Variants in NIPBL observed in about 807,000 individuals in gnomAD.
NIPBL encodes the protein NIPBL cohesin loading factor, also known as nipped-B-like protein.
Under a neutral mutation model 321.8 loss-of-function variants are expected in NIPBL, and 19 were observed. That is an observed-to-expected ratio of 0.06 (90% confidence interval 0.04 to 0.09). NIPBL has a LOEUF of 0.09. Ranked by LOEUF, NIPBL falls within the 10% of genes least tolerant of loss-of-function variation. The pLI is 1.00. For synonymous variants in NIPBL, 1,106 were observed against 1,114.1 expected (o/e 0.99, Z 0.14); for missense variants, 2,210 against 3,327.0 (o/e 0.66, Z 8.26).
chr5:37,022,448 G>A (rs192476717), intron 29 of NIPBL, 58 bp downstream of exon 29: 16 of 1,487,268 alleles, frequency 1.1e-5, no homozygotes, highest in Admixed American at 5.9e-5. Context: ...CAAGCATCAT[G>A]TTTTGTTTTA....
intron 1 of NIPBL, among the ~76,000 whole-genome samples, chr5:36,942,219 G>C (rs964636812): frequency 6.6e-6 from 1 of 151,770 alleles, no homozygotes; most frequent in African/African-American, 2.4e-5. Flanking sequence ...GATCACCTCA[G>C]GTCAGGAGTT....
rs1049546094 is a variant in NIPBL at position 37,060,314 on chromosome 5, A to G, written c.7686-530A>G. 3.9e-5 allele frequency among the ~76,000 whole-genome samples: 6 copies of G among 152,258 alleles called. No individual in the cohort carries two copies. In the East Asian group the frequency reaches 1.2e-3, roughly 29 times the overall value. ...GCTGGGAGTACAGATGCATGCCACC[A>G]CACCCAGCTAATTTTTTTTATTTTT... On this transcript the variant is annotated intron_variant, in intron 44 of 46. Transcript: ENST00000282516.
chr5:37,062,558 G>C (rs551228976), intron 45 of NIPBL, among the ~76,000 whole-genome samples: 29 of 151,620 alleles, frequency 1.9e-4, no homozygotes, highest in Admixed American at 5.9e-4. Context: ...AAAAAAAAAA[G>C]AAACAGCTCT....
chr5:37,046,472 C>T (rs1752991214), intron 38 of NIPBL, among the ~76,000 whole-genome samples: 1 of 152,178 alleles, frequency 6.6e-6, no homozygotes, highest in Non-Finnish European at 1.5e-5. Flanking sequence ...ACCCCTCCTC[C>T]ATAGGGTATC....
At chr5:37,026,192 T>G in intron 30 of NIPBL, 37 bp from the exon 31 acceptor site, 1 of 1,222,568 alleles carries the variant, frequency 8.2e-7, no homozygotes, top group African/African-American at 1.5e-5. Flanking sequence ...GCCGTATTTG[T>G]TATAATTAGT....
At chr5:36,941,609 T>C (rs1203653957) in intron 1 of NIPBL, among the ~76,000 whole-genome samples, 25 of 152,038 alleles carry the variant, frequency 1.6e-4, no homozygotes, top group Admixed American at 6.5e-5. Context: ...AATCATTATC[T>C]GAGAAATTAT....
At chr5:36,990,363 T>G (rs1262487551) in intron 10 of NIPBL, among the ~76,000 whole-genome samples, 4 of 152,186 alleles carry the variant, frequency 2.6e-5, no homozygotes, top group Non-Finnish European at 5.9e-5. Flanking sequence ...GTGTTTAGGA[T>G]CCTCAGCTTC....
chr5:36,962,507 A>G (rs956860904), intron 6 of NIPBL, among the ~76,000 whole-genome samples: 11 of 152,186 alleles, frequency 7.2e-5, no homozygotes, highest in Non-Finnish European at 1.5e-4. Flanking sequence ...TTTTGGATTC[A>G]GTTATTATAT....
chr5:36,984,739 G>T lies in NIPBL; in HGVS notation c.1559G>T (p.Gly520Val), dbSNP rs1461840957. ...CAGGAGGCTGGGGGTGCTACAGGAG[G>T]TAATAGACCAGCTTCTCAGGAGACG... ...YPQEAGGATG[G>V]NRPASQETGS... Residue 520 changes from glycine to valine, a missense_variant, in exon 10 of 47, where the codon GGT becomes GTT. Around this residue, in one of 14 missense-constraint regions of NIPBL, gnomAD observed 588 missense variants for 564.1 expected, o/e 1.04. Coordinates refer to ENST00000282516, the MANE Select transcript of NIPBL (RefSeq NM_133433.4). 1 of 1,613,676 alleles carries T rather than the reference G, an allele frequency of 6.2e-7. No individual in the cohort carries two copies. The highest frequency in any genetic ancestry group is 1.7e-5 in the Admixed American group (1 of 59,970).
At position 36,992,932 on chromosome 5, in the gene NIPBL, G is replaced by A. The variant is rs956719757; in HGVS notation, c.3122-2690G>A. 5.3e-5 allele frequency among the ~76,000 whole-genome samples: 8 copies of A among 151,720 alleles called. No homozygotes were observed. The East Asian group carries it at 7.7e-4, about 15-fold the overall frequency. ...TAATTTTTGTATTTTTAGTAGAGAC[G>A]GGGTTTCACTGTGTTAGCCAGGATG... On this transcript the variant is annotated intron_variant, in intron 10 of 46. Transcript: ENST00000282516.
At chr5:37,011,516 C>CT (rs1748121582) in intron 21 of NIPBL, among the ~76,000 whole-genome samples, 1 of 152,160 alleles carries the variant, frequency 6.6e-6, no homozygotes, top group Non-Finnish European at 1.5e-5. Context: ...GATTGTGCCA[C>CT]TGCACCCTGG....
At chr5:36,948,091 T>A (rs780049240) in intron 1 of NIPBL, among the ~76,000 whole-genome samples, 17 of 151,962 alleles carry the variant, frequency 1.1e-4, no homozygotes, top group African/African-American at 3.6e-4. Context: ...ATTCAATGAT[T>A]CTTTCTCTTT....
intron 10 of NIPBL, among the ~76,000 whole-genome samples, chr5:36,990,244 G>A (rs1390864581): frequency 1.3e-5 from 2 of 152,142 alleles, no homozygotes; most frequent in African/African-American, 4.8e-5. Flanking sequence ...CCTTACTAGC[G>A]ACAGTGATCG....
chr5:36,996,093 A>G lies in NIPBL; in HGVS notation c.3304+289A>G, dbSNP rs1746117240. On this transcript the variant is annotated intron_variant, in intron 11 of 46. Coordinates refer to ENST00000282516, the MANE Select transcript of NIPBL (RefSeq NM_133433.4). The surrounding 1 kb of genome is among the most constrained non-coding windows in gnomAD (Gnocchi z 5.0). ...AGCTCCTATTATATGCTAGACACTG[A>G]GAGTAAAAATGCAAATAAGATATGG... Among the ~76,000 whole-genome samples the G allele has an allele frequency of 1.3e-5, 2 of 152,216 alleles. No individual in the cohort carries two copies. Among genetic ancestry groups the G allele is most frequent in the African/African-American group, 4.8e-5 (2 of 41,454 alleles).
intron 1 of NIPBL, among the ~76,000 whole-genome samples, chr5:36,920,160 G>C (rs761986181): frequency 1.3e-5 from 2 of 151,984 alleles, no homozygotes; most frequent in African/African-American, 4.8e-5. Flanking sequence ...AAAAGAAAAG[G>C]CTTCTCAAGT....
At chr5:37,017,588 G>C (rs550827299) in intron 24 of NIPBL, among the ~76,000 whole-genome samples, 3 of 150,852 alleles carry the variant, frequency 2.0e-5, no homozygotes, top group Middle Eastern at 3.4e-3. Flanking sequence ...TTTCATCTTG[G>C]GGGAAAAAGT....
intron 44 of NIPBL, 74 bp downstream of exon 44, chr5:37,059,239 G>C (rs1419863059): frequency 6.6e-7 from 1 of 1,517,228 alleles, no homozygotes; most frequent in African/African-American, 1.4e-5. Context: ...GGGTGTGGTG[G>C]CTCATGCCTG....
At chr5:37,064,128 G>C (rs966148017) in intron 46 of NIPBL, 150 bp downstream of exon 46, 18 of 1,435,554 alleles carry the variant, frequency 1.3e-5, no homozygotes, top group Non-Finnish European at 1.6e-5. Context: ...CTACTTACCC[G>C]TTTATACATC....
intron 1 of NIPBL, among the ~76,000 whole-genome samples, chr5:36,928,119 T>G (rs1398129529): frequency 6.6e-6 from 1 of 152,202 alleles, no homozygotes; most frequent in Non-Finnish European, 1.5e-5. Context: ...ACACGTAATT[T>G]CATCTTTTTC....
Sources: allele counts gnomAD v4.1 joint callset (sites outside exome capture counted in the v4.1 genomes callset), GRCh38; gene constraint gnomAD v4.1.1; regional missense constraint gnomAD v4.1.1; non-coding constraint Gnocchi (gnomAD v3.1); transcripts MANE v1.5; gene names NCBI Gene and HGNC (gene_info 2026-07-23, HGNC 2026-07-21).